Variants in CSNK2A2 observed in about 807,000 individuals in gnomAD.
The protein encoded by CSNK2A2 is casein kinase 2 alpha 2.
CSNK2A2 carries 8 observed loss-of-function variants against 54.0 expected under a neutral mutation model. The observed-to-expected ratio is 0.15, with a 90% CI of 0.09 to 0.27. The LOEUF (loss-of-function observed/expected upper bound fraction) is 0.27, where lower values mean the gene tolerates loss of function less well. Ranked by LOEUF, CSNK2A2 falls within the 10% of genes least tolerant of loss-of-function variation. The pLI is 1.00. For missense variants in CSNK2A2, 242 were observed against 439.4 expected (o/e 0.55, Z 4.02); for synonymous variants, 141 against 153.9 (o/e 0.92, Z 0.62).
chr16:58,184,389 C>A, intron 3 of CSNK2A2, 79 bp from the exon 4 acceptor site: 1 of 997,062 alleles, frequency 1.0e-6, no homozygotes, highest in Non-Finnish European at 1.5e-6. Flanking sequence ...ATGGCCCATC[C>A]CCAAATCCTA....
chr16:58,164,021 T>C (rs1347616614), intron 11 of CSNK2A2, 33 bp downstream of exon 11: 7 of 1,525,564 alleles, frequency 4.6e-6, no homozygotes, highest in Non-Finnish European at 5.4e-6. Flanking sequence ...TTTGGTTGGT[T>C]GGTTTTATTG....
At chr16:58,186,322 C>A (rs550021299) in intron 3 of CSNK2A2, among the ~76,000 whole-genome samples, 11 of 152,308 alleles carry the variant, frequency 7.2e-5, no homozygotes, top group Admixed American at 7.2e-4. Context: ...GGAGCTGGGA[C>A]CTGCTCAGGC....
Position 58,157,946 on chromosome 16 carries a change from AAAT to A in CSNK2A2, c.*422_*424del, listed in dbSNP as rs1278223590. 1.3e-5 allele frequency: 2 copies of A among 152,430 alleles called. No homozygotes were observed. The highest frequency in any genetic ancestry group is 2.4e-5 in the African/African-American group (1 of 41,440). 9.4% of individuals were successfully genotyped at this position (152,430 alleles called of 1,614,324 possible). A position where few individuals can be genotyped will look rare whatever the true frequency, so the allele number is the denominator to read the frequency against. On this transcript the variant is annotated 3_prime_UTR_variant, in exon 12 of 12. Transcript: ENST00000262506. ...TTTTATTCAATAATATATACTTTTA[AAAT>A]AATAATATGTAACTGCCGCCATGCC...
At chr16:58,184,195 A>G (rs1962135147) in intron 4 of CSNK2A2, 65 bp downstream of exon 4, 2 of 1,296,050 alleles carry the variant, frequency 1.5e-6, no homozygotes, top group South Asian at 2.7e-5. Context: ...TCTGGAGTAC[A>G]CAGTATTTAT....
intron 2 of CSNK2A2, among the ~76,000 whole-genome samples, chr16:58,188,397 A>G (rs919695092): frequency 2.6e-5 from 4 of 152,224 alleles, no homozygotes; most frequent in African/African-American, 7.2e-5. Flanking sequence ...AAAGCACTGT[A>G]CAATCTGATT....
At chr16:58,163,077 T>A (rs1961434338) in intron 11 of CSNK2A2, 1 of 151,566 alleles carries the variant, frequency 6.6e-6, no homozygotes, top group Admixed American at 6.6e-5. Context: ...TTTCCATAAG[T>A]CTTTCCTGAA....
At chr16:58,162,155 C>G (rs1961399192) in intron 11 of CSNK2A2, 1 of 152,078 alleles carries the variant, frequency 6.6e-6, no homozygotes, top group Non-Finnish European at 1.5e-5. Context: ...GAAAGACACG[C>G]AGTGGCACAT....
intron 10 of CSNK2A2, among the ~76,000 whole-genome samples, chr16:58,164,812 A>G (rs1961516837): frequency 6.6e-6 from 1 of 152,200 alleles, no homozygotes; most frequent in African/African-American, 2.4e-5. Flanking sequence ...CACATTCTTC[A>G]GGCAAGAATT....
At chr16:58,170,967 C>G (rs1206783246) in intron 5 of CSNK2A2, among the ~76,000 whole-genome samples, 2 of 152,074 alleles carry the variant, frequency 1.3e-5, no homozygotes, top group African/African-American at 4.8e-5. Context: ...AAATACTCTT[C>G]AAGTAGAATC....
intron 2 of CSNK2A2, among the ~76,000 whole-genome samples, chr16:58,190,858 C>A (rs1205654762): frequency 3.9e-5 from 6 of 152,168 alleles, no homozygotes; most frequent in Non-Finnish European, 7.3e-5. Flanking sequence ...ACCTTATGAT[C>A]CAGCAATTCC....
chr16:58,181,859 AG>A (rs1567470109), intron 4 of CSNK2A2, among the ~76,000 whole-genome samples: 1 of 152,188 alleles, frequency 6.6e-6, no homozygotes, highest in Non-Finnish European at 1.5e-5. Context: ...AAATTTCAGA[AG>A]AGTGCAAATG....
intron 2 of CSNK2A2, among the ~76,000 whole-genome samples, chr16:58,190,035 C>T (rs987416038): frequency 6.6e-6 from 1 of 152,140 alleles, no homozygotes; most frequent in Non-Finnish European, 1.5e-5. Context: ...ACTCTCCTGT[C>T]CAGAGCCTGT....
chr16:58,161,762 G>T (rs1961381391), intron 11 of CSNK2A2: 1 of 152,258 alleles, frequency 6.6e-6, no homozygotes, highest in Admixed American at 6.5e-5. Context: ...GACCCAGGAA[G>T]GGGTGAGCAT....
intron 11 of CSNK2A2, chr16:58,163,694 A>G (rs902588687): frequency 2.5e-5 from 4 of 159,796 alleles, no homozygotes; most frequent in African/African-American, 9.6e-5. Context: ...CCCAGACCAC[A>G]ATGGAATAGA....
chr16:58,178,501 C>CT (rs1961939001), intron 4 of CSNK2A2, among the ~76,000 whole-genome samples: 3 of 152,092 alleles, frequency 2.0e-5, no homozygotes, highest in Non-Finnish European at 1.5e-5. Context: ...AGGCTGGTCT[C>CT]TAACTCCCGA....
chr16:58,162,601 T>G (rs769911204), intron 11 of CSNK2A2: 1 of 152,202 alleles, frequency 6.6e-6, no homozygotes, highest in East Asian at 1.9e-4. Context: ...TATAAAAATG[T>G]ATGGCATTAT....
intron 6 of CSNK2A2, among the ~76,000 whole-genome samples, 189 bp downstream of exon 6, chr16:58,168,421 C>A (rs1597110933): frequency 6.6e-6 from 1 of 152,162 alleles, no homozygotes; most frequent in Admixed American, 6.5e-5. Context: ...TATAGTTAAA[C>A]CGTCTACTTT....
At chr16:58,190,766 C>T (rs1293390012) in intron 2 of CSNK2A2, among the ~76,000 whole-genome samples, 1 of 152,216 alleles carries the variant, frequency 6.6e-6, no homozygotes, top group African/African-American at 2.4e-5. Context: ...TGTGGAGAAA[C>T]AGCCACACTT....
At chr16:58,168,919 G>A (rs1456016908) in intron 5 of CSNK2A2, among the ~76,000 whole-genome samples, 3 of 151,950 alleles carry the variant, frequency 2.0e-5, no homozygotes, top group African/African-American at 7.2e-5. Context: ...CAAGGGCTAT[G>A]AGGAAGATTT....
Sources: gnomAD v4.1 joint callset for allele counts (sites outside exome capture counted in the v4.1 genomes callset) on GRCh38, gnomAD v4.1.1 for gene constraint, MANE v1.5 for transcripts, NCBI Gene and HGNC (gene_info 2026-07-23, HGNC 2026-07-21) for gene names.